The following MIGA1 variants were observed in gnomAD, a reference collection of about 807,000 sequenced individuals.
MIGA1 encodes the protein family with sequence similarity 73, member A.
In MIGA1, 58 loss-of-function variants were observed where a neutral mutation model predicts 82.0. The ratio of observed to expected loss-of-function variants is 0.71; its 90% CI spans 0.57 to 0.88. The LOEUF (loss-of-function observed/expected upper bound fraction) is 0.88, where lower values mean the gene tolerates loss of function less well. Ranked by LOEUF, MIGA1 falls within the 40% of genes least tolerant of loss-of-function variation. The probability of loss-of-function intolerance (pLI) is 0.00; values close to 1 mark genes in which losing one functional copy is unlikely to be tolerated. For synonymous variants in MIGA1, 249 were observed against 253.6 expected (o/e 0.98, Z 0.17); for missense variants, 751 against 749.1 (o/e 1.00, Z -0.03).
chr1:77,801,031 C>T (rs1026326008), intron 2 of MIGA1, among the ~76,000 whole-genome samples: 3 of 151,932 alleles, frequency 2.0e-5, no homozygotes, highest in Admixed American at 6.6e-5. Context: ...GATTCAGTTG[C>T]GTGAATTAAT....
chr1:77,813,272 G>T (rs147305068), intron 5 of MIGA1, among the ~76,000 whole-genome samples: 112 of 152,178 alleles, frequency 7.4e-4, no homozygotes, highest in African/African-American at 2.5e-3. Flanking sequence ...ATGAGCCACC[G>T]CGCCGGGCCA....
At chr1:77,818,559 A>T (rs1683669295) in intron 7 of MIGA1, among the ~76,000 whole-genome samples, 1 of 152,174 alleles carries the variant, frequency 6.6e-6, no homozygotes, top group African/African-American at 2.4e-5. Flanking sequence ...AGCTACTATT[A>T]ACTAGCTTCC....
At chr1:77,858,899 A>C in intron 8 of MIGA1, 39 bp from the exon 9 acceptor site, 1 of 1,190,166 alleles carries the variant, frequency 8.4e-7, no homozygotes, top group Non-Finnish European at 1.3e-6. Flanking sequence ...GAGCCACTGC[A>C]CCTAGCCTGT....
At chr1:77,821,421 G>A (rs932719904) in intron 7 of MIGA1, among the ~76,000 whole-genome samples, 4 of 142,538 alleles carry the variant, frequency 2.8e-5, no homozygotes, top group Admixed American at 7.2e-5. Flanking sequence ...ATGGAATTTC[G>A]CTCTTGTTGC....
Position 77,863,880 on chromosome 1 carries a change from A to T in MIGA1, c.1375-14A>T. 1 of 1,506,384 alleles carries T rather than the reference A, an allele frequency of 6.6e-7. No homozygotes were observed. Among genetic ancestry groups the T allele is most frequent in the Non-Finnish European group, 9.0e-7 (1 of 1,110,608 alleles). 93.3% of individuals were successfully genotyped at this position (1,506,384 alleles called of 1,614,324 possible). A position where few individuals can be genotyped will look rare whatever the true frequency, so the allele number is the denominator to read the frequency against. Reference sequence around the variant, plus strand: ...GTAATAATAATTTCTGTTTCAACTCATAATTTAATGCAGGTGAAAAATCTA... The same window carrying T: ...GTAATAATAATTTCTGTTTCAACTCTTAATTTAATGCAGGTGAAAAATCTA... On this transcript the variant is annotated splice_polypyrimidine_tract_variant and intron_variant, in intron 12 of 15. Coordinates refer to ENST00000370791, the MANE Select transcript of MIGA1 (RefSeq NM_198549.4).
At chr1:77,800,926 G>T (rs997280075) in intron 2 of MIGA1, among the ~76,000 whole-genome samples, 6 of 152,054 alleles carry the variant, frequency 3.9e-5, no homozygotes, top group African/African-American at 1.4e-4. Flanking sequence ...ATTTAGAAAT[G>T]GATTTAGCTT....
chr1:77,846,904 G>A (rs368169995), intron 8 of MIGA1, among the ~76,000 whole-genome samples: 6 of 151,990 alleles, frequency 3.9e-5, no homozygotes, highest in South Asian at 4.1e-4. Context: ...CTGAGATTGC[G>A]CCACTGCACT....
chr1:77,847,111 G>A (rs1172332195), intron 8 of MIGA1: 3 of 867,850 alleles, frequency 3.5e-6, no homozygotes, highest in Non-Finnish European at 6.0e-6. Flanking sequence ...GAACAAGATG[G>A]TGATTCTGGG....
chr1:77,847,778 G>A, intron 8 of MIGA1: 1 of 1,592,008 alleles, frequency 6.3e-7, no homozygotes, highest in Non-Finnish European at 8.6e-7. Flanking sequence ...AGAAATCAAG[G>A]GGCTACTCTG....
At chr1:77,859,734 A>G (rs532978064) in intron 10 of MIGA1, 1 of 369,532 alleles carries the variant, frequency 2.7e-6, no homozygotes, top group South Asian at 6.6e-5. Flanking sequence ...TGATTTTCTA[A>G]AAAGAAAATA....
At chr1:77,872,697 G>T (rs1055375649) in intron 14 of MIGA1, among the ~76,000 whole-genome samples, 4 of 152,130 alleles carry the variant, frequency 2.6e-5, no homozygotes, top group Non-Finnish European at 4.4e-5. Context: ...GACTCTAAAG[G>T]TTACTTGTAA....
chr1:77,820,608 C>T (rs183304682), intron 7 of MIGA1, among the ~76,000 whole-genome samples: 64 of 152,176 alleles, frequency 4.2e-4, no homozygotes, highest in South Asian at 1.9e-3. Context: ...CTTAGGCTGT[C>T]GTTTTTGTTG....
intron 7 of MIGA1, among the ~76,000 whole-genome samples, chr1:77,826,376 G>A (rs1441740529): frequency 1.3e-5 from 2 of 152,282 alleles, no homozygotes; most frequent in East Asian, 3.9e-4. Context: ...ATGTAGCTAA[G>A]ATTACTGATT....
At chr1:77,804,218 G>A (rs948751197) in intron 4 of MIGA1, among the ~76,000 whole-genome samples, 2 of 152,118 alleles carry the variant, frequency 1.3e-5, no homozygotes, top group African/African-American at 4.8e-5. Context: ...CAAGTGTGAG[G>A]TTCTTCACCT....
At chr1:77,792,315 T>G (rs1490711412) in intron 2 of MIGA1, among the ~76,000 whole-genome samples, 1 of 152,154 alleles carries the variant, frequency 6.6e-6, no homozygotes, top group East Asian at 1.9e-4. Flanking sequence ...AGTTACAGAT[T>G]ATCAGTTTTG....
rs760206374 is a variant in MIGA1 at position 77,878,225 on chromosome 1, C to G, written c.*3161C>G. On this transcript the variant is annotated 3_prime_UTR_variant, in exon 16 of 16. Transcript: ENST00000370791. The stretch of plus-strand genomic sequence containing the variant: ...CCTGACCAACATGGTGAAACCCCAT[C>G]TCTACTAAAAATACAAAAATTAGCC... 1.3e-5 allele frequency: 2 copies of G among 151,760 alleles called. No homozygotes were observed. Among genetic ancestry groups the G allele is most frequent in the African/African-American group, 4.8e-5 (2 of 41,308 alleles). The allele number at this position is 151,760 out of a possible 1,614,324, so 9.4% of individuals were successfully genotyped here.
intron 5 of MIGA1, among the ~76,000 whole-genome samples, chr1:77,812,426 A>G (rs908228092): frequency 2.0e-5 from 3 of 152,180 alleles, no homozygotes; most frequent in Non-Finnish European, 2.9e-5. Flanking sequence ...CCTGGGCAAC[A>G]GAGTGAGACT....
chr1:77,859,588 T>G, intron 10 of MIGA1: 3 of 508,320 alleles, frequency 5.9e-6, no homozygotes, highest in Non-Finnish European at 7.0e-6. Context: ...CTCCCATGGC[T>G]TCCCAGGCCC....
intron 2 of MIGA1, among the ~76,000 whole-genome samples, chr1:77,796,587 C>G (rs1484751373): frequency 3.3e-5 from 5 of 152,086 alleles, no homozygotes; most frequent in Admixed American, 2.6e-4. Context: ...TGCAGTTGGC[C>G]CCAGTACTCC....
Sources: allele counts gnomAD v4.1 joint callset (sites outside exome capture counted in the v4.1 genomes callset), GRCh38; gene constraint gnomAD v4.1.1; transcripts MANE v1.5; gene names NCBI Gene and HGNC (gene_info 2026-07-23, HGNC 2026-07-21).